FOSL2: variants seen among roughly 807,000 people sequenced by gnomAD.
FOSL2 encodes FOS like 2, AP-1 transcription factor subunit.
A neutral mutation model predicts 27.7 loss-of-function variants in FOSL2; 3 were observed. The observed-to-expected ratio is 0.11, with a 90% CI of 0.05 to 0.28. The LOEUF (loss-of-function observed/expected upper bound fraction) is 0.28. Ranked by LOEUF, FOSL2 falls within the 10% of genes least tolerant of loss-of-function variation. The probability of loss-of-function intolerance (pLI) is 1.00; values close to 1 mark genes in which losing one functional copy is unlikely to be tolerated. For synonymous variants in FOSL2, 179 were observed against 190.1 expected, an observed-to-expected ratio of 0.94 and a Z score of 0.48; for missense variants, 333 against 445.1, an observed-to-expected ratio of 0.75 and a Z score of 2.27.
At position 28,415,739 on chromosome 2, in the gene FOSL2, T is replaced by C. The variant is rs182993322; in HGVS notation, c.*3291T>C. The C allele has an allele frequency of 4.0e-4, 61 of 152,332 alleles. No homozygotes were observed. Among genetic ancestry groups the C allele is most frequent in the African/African-American group, 1.3e-3 (54 of 41,558 alleles). The allele number at this position is 152,332 out of a possible 1,614,324, so 9.4% of individuals were successfully genotyped here. On this transcript the variant is annotated 3_prime_UTR_variant, in exon 4 of 4. Coordinates refer to ENST00000264716, the MANE Select transcript of FOSL2 (RefSeq NM_005253.4). ...GTGTTAGGCGCTTTTATATAGATCC[T>C]CGTTAGGATGAGACTAAGGGATGAG...
intron 1 of FOSL2, among the ~76,000 whole-genome samples, chr2:28,398,019 C>T (rs142885005): frequency 9.9e-5 from 15 of 152,218 alleles, no homozygotes; most frequent in African/African-American, 2.9e-4. Context: ...AGCATGCCCA[C>T]GACAAAGGAC....
chr2:28,394,137 G>GGCC (rs1663750381), intron 1 of FOSL2, among the ~76,000 whole-genome samples: 2 of 80,920 alleles, frequency 2.5e-5, no homozygotes, highest in East Asian at 3.6e-4. Flanking sequence ...CCCAGTGTCT[G>GGCC]CCCCCCCCCC....
At chr2:28,406,444 C>T (rs963142936) in intron 2 of FOSL2, among the ~76,000 whole-genome samples, 1 of 152,202 alleles carries the variant, frequency 6.6e-6, no homozygotes, top group African/African-American at 2.4e-5. Context: ...CATCTTTTCT[C>T]ATTTTCCCTT....
At position 28,413,469 on chromosome 2, in the gene FOSL2, C is replaced by A; in HGVS notation, c.*1021C>A. 1 of 398,742 alleles carries A rather than the reference C, an allele frequency of 2.5e-6. No individual in the cohort carries two copies. Among genetic ancestry groups the A allele is most frequent in the Non-Finnish European group, 4.4e-6 (1 of 226,144 alleles). 24.7% of individuals were successfully genotyped at this position (398,742 alleles called of 1,614,324 possible). ...CCCCACCCTGGCTCTCAGGGTGACGCCACCCACAGAGATTTAATGAGCGTG... is the reference window on the plus strand; with the variant it reads ...CCCCACCCTGGCTCTCAGGGTGACGACACCCACAGAGATTTAATGAGCGTG... On this transcript the variant is annotated 3_prime_UTR_variant, in exon 4 of 4. Transcript: ENST00000264716.
In FOSL2 at chr2:28,393,975, C is replaced by G. The variant is rs2148074177; in HGVS notation, c.102+153C>G. Among the ~76,000 whole-genome samples, 1 of 152,134 alleles carries G rather than the reference C, an allele frequency of 6.6e-6. No homozygotes were observed. Among genetic ancestry groups the G allele is most frequent in the Middle Eastern group, 3.4e-3 (1 of 294 alleles). ...CTGGATTTTCGTCCTCCCCTTCCCC[C>G]CCACCCCCTTTTAAACTAGGGGATT... On this transcript the variant is annotated intron_variant, in intron 1 of 3. Coordinates refer to ENST00000264716, the MANE Select transcript of FOSL2 (RefSeq NM_005253.4). This position sits in a 1 kb window ranked among gnomAD's most constrained non-coding sequence, Gnocchi z 4.6.
Position 28,404,480 on chromosome 2 carries a change from G to T in FOSL2, c.354+122G>T. The T allele has an allele frequency of 1.6e-6, 2 of 1,269,678 alleles. No homozygotes were observed. Among genetic ancestry groups the T allele is most frequent in the Non-Finnish European group, 2.2e-6 (2 of 922,734 alleles). The allele number at this position is 1,269,678 out of a possible 1,614,324, so 78.7% of individuals were successfully genotyped here. On this transcript the variant is annotated intron_variant, in intron 2 of 3. Coordinates refer to ENST00000264716, the MANE Select transcript of FOSL2 (RefSeq NM_005253.4). The surrounding 1 kb of genome is among the most constrained non-coding windows in gnomAD (Gnocchi z 4.7). ...GAGAGCAGGGGAGACAAGGGAGCTA[G>T]GGGTCGAAGAGCACGTCATCCCCCT...
At chr2:28,410,843 T>C (rs1397287047) in intron 3 of FOSL2, among the ~76,000 whole-genome samples, 1 of 152,164 alleles carries the variant, frequency 6.6e-6, no homozygotes, top group Non-Finnish European at 1.5e-5. Context: ...TCCTGAAATA[T>C]GTGCTTAAGA....
intron 1 of FOSL2, 143 bp from the exon 2 acceptor site, chr2:28,403,964 G>A (rs1664025174): frequency 2.3e-6 from 2 of 866,724 alleles, no homozygotes; most frequent in Non-Finnish European, 3.6e-6. Flanking sequence ...ACTTGTCCAG[G>A]CCCACCTGGG....
At position 28,392,870 on chromosome 2, in the gene FOSL2, C is replaced by G. The variant is rs1247098990; in HGVS notation, c.-851C>G. The G allele has an allele frequency of 4.2e-6, 3 of 715,548 alleles. No homozygotes were observed. The highest frequency in any genetic ancestry group is 2.0e-5 in the Admixed American group (1 of 49,904). 44.3% of individuals were successfully genotyped at this position (715,548 alleles called of 1,614,324 possible). ...AACTCGTGCCATTGTAGTGACTCATCTCGGGCAGAGCGCTAGGGCTCCGAG... is the reference window on the plus strand; with the variant it reads ...AACTCGTGCCATTGTAGTGACTCATGTCGGGCAGAGCGCTAGGGCTCCGAG... On this transcript the variant is annotated 5_prime_UTR_variant, in exon 1 of 4. The change creates a new upstream start codon in the 5' untranslated region. Coordinates refer to ENST00000264716, the MANE Select transcript of FOSL2 (RefSeq NM_005253.4).
Position 28,412,461 on chromosome 2 carries a change from C to G in FOSL2, c.*13C>G. 6.3e-7 allele frequency: 1 copy of G among 1,592,928 alleles called. No individual in the cohort carries two copies. Among genetic ancestry groups the G allele is most frequent in the Non-Finnish European group, 8.5e-7 (1 of 1,174,792 alleles). On this transcript the variant is annotated 3_prime_UTR_variant, in exon 4 of 4. Transcript: ENST00000264716. This position sits in a 1 kb window ranked among gnomAD's most constrained non-coding sequence, Gnocchi z 7.1. ...GCTGGCTCTGTAACCCAGTGCACCT[C>G]CCTCCCCAGCTCCGGAGGGGGTCCT...
Position 28,408,882 on chromosome 2 carries a change from T to C in FOSL2, c.462+16T>C, listed in dbSNP as rs533171682. The C allele has an allele frequency of 7.6e-6, 12 of 1,579,880 alleles. No homozygotes were observed. The African/African-American group carries it at 1.3e-4, about 18-fold the overall frequency. ...GCTGCAGGCGGTGAGGAACTCTGCGTAGGGTGGGAGCACCTCTGGGTGGGC... is the reference window on the plus strand; with the variant it reads ...GCTGCAGGCGGTGAGGAACTCTGCGCAGGGTGGGAGCACCTCTGGGTGGGC... On this transcript the variant is annotated intron_variant, in intron 3 of 3. Coordinates refer to ENST00000264716, the MANE Select transcript of FOSL2 (RefSeq NM_005253.4). This position sits in a 1 kb window ranked among gnomAD's most constrained non-coding sequence, Gnocchi z 4.1.
chr2:28,400,881 G>A (rs1053473972), intron 1 of FOSL2, among the ~76,000 whole-genome samples: 1 of 152,184 alleles, frequency 6.6e-6, no homozygotes, highest in African/African-American at 2.4e-5. Flanking sequence ...CAGATTTTCT[G>A]CTGGGTTCCC....
chr2:28,405,348 A>G (rs1664054802), intron 2 of FOSL2, among the ~76,000 whole-genome samples: 1 of 152,226 alleles, frequency 6.6e-6, no homozygotes, highest in South Asian at 2.1e-4. Context: ...CCTATGCAGT[A>G]TTCTTTCTCC....
rs188015337 is a variant in FOSL2 at position 28,401,949 on chromosome 2, A to G, written c.103-2158A>G. 2.0e-5 allele frequency among the ~76,000 whole-genome samples: 3 copies of G among 148,950 alleles called. No individual in the cohort carries two copies. In the East Asian group the frequency reaches 6.0e-4, roughly 30 times the overall value. On this transcript the variant is annotated intron_variant, in intron 1 of 3. Transcript: ENST00000264716. ...AGCTCTCCTCCTGAATCTCAGAATG[A>G]TGCATTGCACCGGATAACTTTTCTC...
At chr2:28,397,968 G>A (rs1663889997) in intron 1 of FOSL2, among the ~76,000 whole-genome samples, 1 of 152,238 alleles carries the variant, frequency 6.6e-6, no homozygotes. Flanking sequence ...AAAGTAGGGT[G>A]TGACCCTGTG....
rs759108536 is a variant in FOSL2, at chr2:28,412,140, C to A, written c.673C>A (p.Pro225Thr). 6.2e-7 allele frequency: 1 copy of A among 1,605,640 alleles called. No homozygotes were observed. The highest frequency in any genetic ancestry group is 2.2e-5 in the East Asian group (1 of 44,752). Residue 225 changes from proline to threonine, a missense_variant, in exon 4 of 4, where the codon CCC (proline) becomes ACC (threonine). This residue lies in a region of FOSL2 where 136 missense variants were observed against 123.7 expected (regional missense o/e 1.10). Transcript: ENST00000264716. The surrounding 1 kb of genome is among the most constrained non-coding windows in gnomAD (Gnocchi z 7.1). The part of the protein sequence containing the change: ...SVGAVVVKQE[P>T]LEEDSPSSSS... ...GGGCGCTGTAGTGGTGAAACAGGAG[C>A]CCCTGGAAGAGGACAGCCCCTCGTC... is the stretch of plus-strand genomic sequence containing the variant.
intron 2 of FOSL2, among the ~76,000 whole-genome samples, chr2:28,406,314 A>C (rs1458791873): frequency 2.0e-5 from 3 of 152,190 alleles, no homozygotes; most frequent in East Asian, 1.9e-4. Context: ...CACCCGCCTC[A>C]GCTTCTCAAA....
chr2:28,412,291 C>A lies in FOSL2; in HGVS notation c.824C>A (p.Pro275Gln), dbSNP rs552837522. 3.1e-6 allele frequency: 5 copies of A among 1,614,098 alleles called. No homozygotes were observed. Among genetic ancestry groups the A allele is most frequent in the Non-Finnish European group, 4.2e-6 (5 of 1,180,010 alleles). The change falls in exon 4 of 4, where the codon CCG (proline) becomes CAG (glutamine). Residue 275 changes from proline (P) to glutamine (Q), a missense_variant. Coordinates refer to ENST00000264716, the MANE Select transcript of FOSL2 (RefSeq NM_005253.4). This position sits in a 1 kb window ranked among gnomAD's most constrained non-coding sequence, Gnocchi z 7.1. ...IVVTSTPAVT[P>Q]GTSNLVFTYP... ...GTGACCTCCACACCTGCTGTCACTC[C>A]GGGCACCTCGAACCTCGTCTTCACC...
Position 28,413,524 on chromosome 2 carries a change from C to T in FOSL2, c.*1076C>T. On this transcript the variant is annotated 3_prime_UTR_variant, in exon 4 of 4. Coordinates refer to ENST00000264716, the MANE Select transcript of FOSL2 (RefSeq NM_005253.4). ...TGGACCTTCCCCAGATGCTGCCAGGCAGCCCCTCCCCAAGCCTCAAAGAAG... is the reference window on the plus strand; with the variant it reads ...TGGACCTTCCCCAGATGCTGCCAGGTAGCCCCTCCCCAAGCCTCAAAGAAG... 1 of 398,732 alleles carries T rather than the reference C, an allele frequency of 2.5e-6. No homozygotes were observed. The highest frequency in any genetic ancestry group is 1.3e-4 in the South Asian group (1 of 7,864). The allele number at this position is 398,732 out of a possible 1,614,324, so 24.7% of individuals were successfully genotyped here.
Sources: allele counts gnomAD v4.1 joint callset (sites outside exome capture counted in the v4.1 genomes callset), GRCh38; gene constraint gnomAD v4.1.1; regional missense constraint gnomAD v4.1.1; non-coding constraint Gnocchi (gnomAD v3.1); transcripts MANE v1.5; gene names NCBI Gene and HGNC (gene_info 2026-07-23, HGNC 2026-07-21).